Variants in CCDC146 observed in about 807,000 individuals in gnomAD.
The protein encoded by CCDC146 is coiled-coil domain-containing protein 146.
CCDC146 carries 92 observed loss-of-function variants against 119.3 expected under a neutral mutation model. The ratio of observed to expected loss-of-function variants is 0.77; its 90% confidence interval spans 0.65 to 0.92. The LOEUF is 0.92. Ranked by LOEUF, CCDC146 falls within the 40% of genes least tolerant of loss-of-function variation. The pLI, the probability that CCDC146 is intolerant of heterozygous loss-of-function variation, is 0.00. For synonymous variants in CCDC146, 372 were observed against 371.8 expected (o/e 1.00, Z -0.01); for missense variants, 1,000 against 1,103.0 (o/e 0.91, Z 1.32).
At chr7:77,210,156 G>A (rs1016036597) in intron 2 of CCDC146, among the ~76,000 whole-genome samples, 4 of 152,092 alleles carry the variant, frequency 2.6e-5, no homozygotes, top group African/African-American at 4.8e-5. Flanking sequence ...AAACCTTTAT[G>A]CTCTTCTTCC....
At chr7:77,129,470 T>C (rs1243642481) in intron 1 of CCDC146, among the ~76,000 whole-genome samples, 1 of 152,038 alleles carries the variant, frequency 6.6e-6, no homozygotes, top group Non-Finnish European at 1.5e-5. Context: ...AACTATATGC[T>C]GAGATTGCTA....
At chr7:77,244,321 T>G (rs751220628) in intron 4 of CCDC146, among the ~76,000 whole-genome samples, 2 of 152,192 alleles carry the variant, frequency 1.3e-5, no homozygotes, top group Non-Finnish European at 2.9e-5. Flanking sequence ...TTTTTATAAA[T>G]GTAGCCTAAG....
intron 1 of CCDC146, among the ~76,000 whole-genome samples, chr7:77,129,463 T>G (rs1028182064): frequency 6.6e-6 from 1 of 152,004 alleles, no homozygotes; most frequent in Non-Finnish European, 1.5e-5. Context: ...AGAAAAAAAC[T>G]ATATGCTGAG....
At chr7:77,138,624 G>A (rs193093865) in intron 1 of CCDC146, among the ~76,000 whole-genome samples, 101 of 152,144 alleles carry the variant, frequency 6.6e-4, no homozygotes, top group African/African-American at 2.2e-3. Context: ...ATTTGCAAAA[G>A]GCACATCGAT....
chr7:77,195,139 T>C (rs1419058855), intron 2 of CCDC146: 1 of 152,066 alleles, frequency 6.6e-6, no homozygotes, highest in East Asian at 1.9e-4. Context: ...TGTAAGTAAA[T>C]GCTTCATTAC....
At chr7:77,253,461 A>G (rs996390773) in intron 4 of CCDC146, among the ~76,000 whole-genome samples, 6 of 152,236 alleles carry the variant, frequency 3.9e-5, no homozygotes, top group African/African-American at 4.8e-5. Flanking sequence ...ATGTGGTGCA[A>G]TAGGTCATTC....
chr7:77,173,230 A>T (rs2117500143), intron 2 of CCDC146, among the ~76,000 whole-genome samples: 1 of 152,206 alleles, frequency 6.6e-6, no homozygotes, highest in South Asian at 2.1e-4. Flanking sequence ...AAGAAAATTT[A>T]GAGTTCCCCA....
At chr7:77,127,461 C>T (rs543191602) in intron 1 of CCDC146, among the ~76,000 whole-genome samples, 1 of 152,292 alleles carries the variant, frequency 6.6e-6, no homozygotes, top group East Asian at 1.9e-4. Context: ...GCACCAGCCA[C>T]TGCCATCATT....
At chr7:77,170,292 G>GT (rs1458686625) in intron 2 of CCDC146, among the ~76,000 whole-genome samples, 2 of 152,086 alleles carry the variant, frequency 1.3e-5, no homozygotes, top group African/African-American at 4.8e-5. Flanking sequence ...CTATGTCTCT[G>GT]TGAAGGACAT....
At chr7:77,150,357 T>TAATG (rs1352189900) in intron 1 of CCDC146, among the ~76,000 whole-genome samples, 2 of 152,168 alleles carry the variant, frequency 1.3e-5, no homozygotes, top group Non-Finnish European at 2.9e-5. Context: ...CACAACTTAA[T>TAATG]AATGGGAAGG....
chr7:77,247,090 G>T (rs1792964709), intron 4 of CCDC146, among the ~76,000 whole-genome samples: 1 of 152,016 alleles, frequency 6.6e-6, no homozygotes, highest in Middle Eastern at 3.2e-3. Flanking sequence ...TTTATTAAAA[G>T]ATAACAGGGA....
rs564898366 is a variant in CCDC146 at position 77,214,883 on chromosome 7, T to G, written c.157-22064T>G. Among the ~76,000 whole-genome samples the G allele has an allele frequency of 6.6e-5, 10 of 152,328 alleles. No homozygotes were observed. The South Asian group carries it at 2.1e-3, about 32-fold the overall frequency. On this transcript the variant is annotated intron_variant, in intron 2 of 18. Coordinates refer to ENST00000285871, the MANE Select transcript of CCDC146 (RefSeq NM_020879.3). ...CAAAATGGGATGCCTCTTGGTTGCA[T>G]GAACTTTCATCAGGAGGCACATGAT...
chr7:77,265,560 AC>A (rs1392724437), intron 9 of CCDC146, among the ~76,000 whole-genome samples: 2 of 67,328 alleles, frequency 3.0e-5, no homozygotes, highest in Middle Eastern at 7.9e-3. Flanking sequence ...CTAAAAGACT[AC>A]ACACAAAAAA....
intron 2 of CCDC146, among the ~76,000 whole-genome samples, chr7:77,216,330 C>G (rs187030889): frequency 1.6e-3 from 249 of 152,208 alleles, no homozygotes; most frequent in Non-Finnish European, 3.2e-3. Context: ...TTCCTGCCAA[C>G]CTGGACTACC....
At chr7:77,280,138 T>C (rs1793735613) in intron 13 of CCDC146, among the ~76,000 whole-genome samples, 1 of 151,972 alleles carries the variant, frequency 6.6e-6, no homozygotes, top group Non-Finnish European at 1.5e-5. Flanking sequence ...CTCCTGAGAA[T>C]GACAATAAAT....
intron 2 of CCDC146, chr7:77,195,142 T>G (rs1211185665): frequency 6.6e-6 from 1 of 152,032 alleles, no homozygotes; most frequent in Non-Finnish European, 1.5e-5. Flanking sequence ...AAGTAAATGC[T>G]TCATTACCCA....
chr7:77,154,948 G>A lies in CCDC146; in HGVS notation c.-11-12710G>A, dbSNP rs560372790. ...GCAAGCAAGAGGAGTGGCCTCCAGT[G>A]TGAGGATTCTAGATTGCACCCAAAC... On this transcript the variant is annotated intron_variant, in intron 1 of 18. Transcript: ENST00000285871. Among the ~76,000 whole-genome samples, 146 of 152,198 alleles carry A rather than the reference G, an allele frequency of 9.6e-4. 4 individuals carry two copies. The highest frequency in any genetic ancestry group is 3.3e-3 in the African/African-American group (137 of 41,544).
chr7:77,294,438 AT>A, intron 18 of CCDC146, among the ~76,000 whole-genome samples: 1 of 149,796 alleles, frequency 6.7e-6, no homozygotes, highest in Non-Finnish European at 1.5e-5. Flanking sequence ...TGCTGAAGCA[AT>A]ACAGCCCATG....
intron 1 of CCDC146, among the ~76,000 whole-genome samples, chr7:77,163,742 A>G (rs974638370): frequency 3.9e-5 from 6 of 152,086 alleles, no homozygotes; most frequent in Non-Finnish European, 8.8e-5. Flanking sequence ...TATAGATAAA[A>G]TTGCTCATGA....
Sources: allele counts gnomAD v4.1 joint callset (sites outside exome capture counted in the v4.1 genomes callset), GRCh38; gene constraint gnomAD v4.1.1; transcripts MANE v1.5; gene names NCBI Gene and HGNC (gene_info 2026-07-23, HGNC 2026-07-21).